ARHGEF3: variants seen among roughly 807,000 people sequenced by gnomAD.
ARHGEF3 encodes the protein 59.8 kDA protein.
ARHGEF3 carries 28 observed loss-of-function variants against 63.2 expected under a neutral mutation model. The observed-to-expected ratio is 0.44, with a 90% CI of 0.33 to 0.61. The LOEUF (loss-of-function observed/expected upper bound fraction) is 0.61. Among genes scored for constraint, ARHGEF3 ranks in the 20% least tolerant of loss-of-function variants. The pLI, the probability that ARHGEF3 is intolerant of heterozygous loss-of-function variation, is 0.03. For missense variants in ARHGEF3, 533 were observed against 659.3 expected (o/e 0.81, Z 2.10); for synonymous variants, 266 against 254.2 (o/e 1.05, Z -0.44).
intron 3 of ARHGEF3, among the ~76,000 whole-genome samples, chr3:56,892,097 T>C (rs2041143050): frequency 6.6e-6 from 1 of 152,152 alleles, no homozygotes; most frequent in South Asian, 2.1e-4. Context: ...CCAACCCTGA[T>C]GGCTAACAAG....
Position 56,777,256 on chromosome 3 carries a change from T to C in ARHGEF3, c.97-3440A>G, listed in dbSNP as rs1365994669. Among the ~76,000 whole-genome samples, 2 of 152,210 alleles carry C rather than the reference T, an allele frequency of 1.3e-5. 1 individual carries two copies. The highest frequency in any genetic ancestry group is 2.9e-5 in the Non-Finnish European group (2 of 68,032). On this transcript the variant is annotated intron_variant, in intron 1 of 9. Coordinates refer to ENST00000296315, the MANE Select transcript of ARHGEF3 (RefSeq NM_019555.3). ...ATTGGCAGTGGCTTTTATCAAATGT[T>C]TGTTCTTCATTTAGTCAGAGGACAA...
At chr3:56,936,143 A>C (rs546249593) in intron 3 of ARHGEF3, among the ~76,000 whole-genome samples, 4 of 152,152 alleles carry the variant, frequency 2.6e-5, no homozygotes, top group Non-Finnish European at 5.9e-5. Context: ...GGAACCTGAG[A>C]CTATGCCATA....
At chr3:56,912,248 G>A (rs1578826270) in intron 3 of ARHGEF3, among the ~76,000 whole-genome samples, 2 of 152,228 alleles carry the variant, frequency 1.3e-5, no homozygotes, top group African/African-American at 4.8e-5. Flanking sequence ...TGACAAGTGG[G>A]GAAACTGAGT....
At chr3:56,790,496 G>C (rs539131162) in intron 1 of ARHGEF3, among the ~76,000 whole-genome samples, 1 of 152,080 alleles carries the variant, frequency 6.6e-6, no homozygotes, top group Non-Finnish European at 1.5e-5. Flanking sequence ...CAATCACCAG[G>C]ATGGCTGAGA....
chr3:56,894,857 C>T (rs1387387861), intron 3 of ARHGEF3, among the ~76,000 whole-genome samples: 1 of 152,150 alleles, frequency 6.6e-6, no homozygotes, highest in African/African-American at 2.4e-5. Context: ...TCTGCAAACG[C>T]CAGGTCTCCG....
chr3:56,744,358 T>C (rs1315957797), intron 7 of ARHGEF3, among the ~76,000 whole-genome samples: 3 of 151,282 alleles, frequency 2.0e-5, no homozygotes, highest in Non-Finnish European at 4.4e-5. Flanking sequence ...TAGGGAAAAA[T>C]ATATATTTCC....
Position 57,017,028 on chromosome 3 carries a change from TCTCTCACACACACA to T in ARHGEF3, c.62+18046_62+18059del, listed in dbSNP as rs1270809991. 3.9e-5 allele frequency among the ~76,000 whole-genome samples: 5 copies of T among 127,516 alleles called. No individual in the cohort carries two copies. The South Asian group carries it at 8.1e-4, about 21-fold the overall frequency. The allele number at this position is 127,516 out of a possible 152,430, so 83.7% of individuals were successfully genotyped here. On this transcript the variant is annotated intron_variant, in intron 2 of 12. Coordinates refer to the ARHGEF3 transcript ENST00000338458. ...CTGTCTCTCTCTCTCTCTCTCTCTC[TCTCTCACACACACA>T]CACACACACACACACACACACACGA...
At chr3:56,730,234 G>C (rs1578348237) in intron 9 of ARHGEF3, among the ~76,000 whole-genome samples, 1 of 151,952 alleles carries the variant, frequency 6.6e-6, no homozygotes, top group Admixed American at 6.6e-5. Flanking sequence ...CCATATGAGA[G>C]TATCTATACA....
intron 2 of ARHGEF3, among the ~76,000 whole-genome samples, chr3:56,764,136 C>T (rs1008200054): frequency 1.3e-5 from 2 of 152,106 alleles, no homozygotes; most frequent in African/African-American, 4.8e-5. Context: ...ACAAGAAACC[C>T]TTCTGTAGCT....
In ARHGEF3 at chr3:56,773,730, C is replaced by T. The variant is rs1212061307; in HGVS notation, c.183G>A (p.Lys61=). The change falls in exon 2 of 10, where the codon AAG becomes AAA. Residue 61 remains lysine, a synonymous_variant. Transcript: ENST00000296315. The part of the protein sequence containing the change: ...LIPPVKATPL[K]RFSQTLQRSI... The stretch of plus-strand genomic sequence containing the variant: ...TTACCTGCAGGGTTTGACTGAAGCG[C>T]TTTAATGGCGTGGCCTTCACGGGCG... 2 of 1,592,590 alleles carry T rather than the reference C, an allele frequency of 1.3e-6. No individual in the cohort carries two copies. The highest frequency in any genetic ancestry group is 2.7e-5 in the African/African-American group (2 of 73,112).
chr3:57,018,288 A>C (rs1211761862), intron 2 of ARHGEF3, among the ~76,000 whole-genome samples: 3 of 151,990 alleles, frequency 2.0e-5, no homozygotes, highest in Admixed American at 6.6e-5. Context: ...CAAAAAAAAA[A>C]AAAAAAAAAA....
chr3:57,033,240 C>T (rs145307343), intron 2 of ARHGEF3, among the ~76,000 whole-genome samples: 16 of 152,192 alleles, frequency 1.1e-4, no homozygotes, highest in African/African-American at 1.7e-4. Flanking sequence ...CTCTAATCCG[C>T]GGCAACCTCC....
At chr3:56,797,839 T>G (rs186961377) in intron 1 of ARHGEF3, among the ~76,000 whole-genome samples, 1 of 152,224 alleles carries the variant, frequency 6.6e-6, no homozygotes, top group Admixed American at 6.5e-5. Flanking sequence ...GCATGTCTGT[T>G]AAGTTTTGTA....
At chr3:56,940,118 A>C (rs993143242) in intron 3 of ARHGEF3, 1 of 152,198 alleles carries the variant, frequency 6.6e-6, no homozygotes, top group African/African-American at 2.4e-5. Flanking sequence ...TGGCCAAGCA[A>C]AAGTGCTAAG....
chr3:57,020,026 G>A (rs1475211163), intron 2 of ARHGEF3, among the ~76,000 whole-genome samples: 1 of 152,212 alleles, frequency 6.6e-6, no homozygotes, highest in East Asian at 1.9e-4. Flanking sequence ...AGCCTCCCAA[G>A]TAGCTGGGAC....
At chr3:57,009,764 C>T (rs946961890) in intron 2 of ARHGEF3, among the ~76,000 whole-genome samples, 2 of 152,110 alleles carry the variant, frequency 1.3e-5, no homozygotes, top group African/African-American at 4.8e-5. Context: ...CCAAGAGACA[C>T]AGGATGGAAT....
intron 3 of ARHGEF3, among the ~76,000 whole-genome samples, chr3:56,921,549 T>A (rs1444581568): frequency 6.6e-6 from 1 of 152,222 alleles, no homozygotes; most frequent in Non-Finnish European, 1.5e-5. Context: ...TTTTATTGAA[T>A]GTCTTTATCT....
intron 2 of ARHGEF3, among the ~76,000 whole-genome samples, chr3:56,980,579 C>T (rs1579012947): frequency 6.6e-6 from 1 of 152,274 alleles, no homozygotes; most frequent in Admixed American, 6.5e-5. Context: ...AAGAACAGTA[C>T]CCATAATGAG....
intron 3 of ARHGEF3, among the ~76,000 whole-genome samples, chr3:56,943,346 G>A (rs2108430098): frequency 6.6e-6 from 1 of 152,276 alleles, no homozygotes; most frequent in South Asian, 2.1e-4. Context: ...CTTTGCCTGT[G>A]CTCTATAAAG....
Sources: gnomAD v4.1 joint callset for allele counts (sites outside exome capture counted in the v4.1 genomes callset) on GRCh38, gnomAD v4.1.1 for gene constraint, MANE v1.5 for transcripts, NCBI Gene and HGNC (gene_info 2026-07-23, HGNC 2026-07-21) for gene names.